The following MARCHF3 variants were observed in gnomAD, a reference collection of about 807,000 sequenced individuals.
MARCHF3 encodes the protein membrane associated ring-CH-type finger 3.
A neutral mutation model predicts 24.2 loss-of-function variants in MARCHF3; 13 were observed. The observed-to-expected ratio is 0.54, with a 90% CI of 0.35 to 0.85. MARCHF3 has a LOEUF of 0.85. Among genes scored for constraint, MARCHF3 ranks in the 40% least tolerant of loss-of-function variants. The pLI is 0.01. For synonymous variants in MARCHF3, 144 were observed against 137.3 expected (o/e 1.05, Z -0.34); for missense variants, 276 against 325.0 (o/e 0.85, Z 1.16).
chr5:126,911,048 T>C (rs1369293663), intron 3 of MARCHF3, among the ~76,000 whole-genome samples: 2 of 152,166 alleles, frequency 1.3e-5, no homozygotes, highest in Non-Finnish European at 2.9e-5. Flanking sequence ...CCCAGGCTTA[T>C]TAGGACGAGG....
intron 1 of MARCHF3, among the ~76,000 whole-genome samples, chr5:127,019,440 G>A (rs574426733): frequency 6.6e-6 from 1 of 152,312 alleles, no homozygotes; most frequent in Admixed American, 6.5e-5. Context: ...TCCTTTGTTA[G>A]TGACACTGAC....
At chr5:126,907,717 T>C (rs2126787332) in intron 3 of MARCHF3, among the ~76,000 whole-genome samples, 1 of 147,098 alleles carries the variant, frequency 6.8e-6, no homozygotes, top group Admixed American at 6.8e-5. Flanking sequence ...TGTGTGTCTC[T>C]GCACGTGAGA....
chr5:126,898,953 A>AG (rs1754016239), intron 3 of MARCHF3: 1 of 984,012 alleles, frequency 1.0e-6, no homozygotes, highest in African/African-American at 1.8e-5. Context: ...TAAGAATTAA[A>AG]CTTTTTTTTT....
At chr5:127,015,373 A>T (rs952878296) in intron 1 of MARCHF3, among the ~76,000 whole-genome samples, 1 of 152,186 alleles carries the variant, frequency 6.6e-6, no homozygotes, top group Non-Finnish European at 1.5e-5. Context: ...GAAGATGAGC[A>T]GGGAGGAGGG....
chr5:126,987,317 C>T (rs967537061), intron 1 of MARCHF3, among the ~76,000 whole-genome samples: 3 of 152,124 alleles, frequency 2.0e-5, no homozygotes, highest in South Asian at 2.1e-4. Flanking sequence ...ACATTTGATA[C>T]GAGGGTAAAT....
chr5:126,946,761 GGT>G (rs58269583), intron 1 of MARCHF3, among the ~76,000 whole-genome samples: 5,116 of 135,930 alleles, frequency 0.038, 115 homozygotes, highest in Non-Finnish European at 0.051. Context: ...TGTAAGTAGG[GGT>G]GTGTGTGTGT....
At position 126,939,999 on chromosome 5, in the gene MARCHF3, C is replaced by A. The variant is rs531482662; in HGVS notation, c.-56-21772G>T. ...ACACTAGCCAGCACTTCAGCACTGC[C>A]CTTAGGGTCTAAACAGTGAGATCAC... On this transcript the variant is annotated intron_variant, in intron 1 of 4. Coordinates refer to ENST00000308660, the MANE Select transcript of MARCHF3 (RefSeq NM_178450.5). Among the ~76,000 whole-genome samples the A allele has an allele frequency of 4.5e-4, 69 of 152,186 alleles. 1 individual carries two copies. The South Asian group carries it at 0.011, about 25-fold the overall frequency.
At chr5:127,015,622 A>G (rs1044881457) in intron 1 of MARCHF3, among the ~76,000 whole-genome samples, 1 of 152,230 alleles carries the variant, frequency 6.6e-6, no homozygotes, top group Non-Finnish European at 1.5e-5. Flanking sequence ...AACCCCTTCC[A>G]AACTAAAATC....
At chr5:126,908,818 G>T (rs1314795626) in intron 3 of MARCHF3, among the ~76,000 whole-genome samples, 1 of 152,066 alleles carries the variant, frequency 6.6e-6, no homozygotes, top group Non-Finnish European at 1.5e-5. Flanking sequence ...TCTTCTCTCA[G>T]CTCCTCAAAG....
chr5:126,903,295 G>A (rs1033521375), intron 3 of MARCHF3, among the ~76,000 whole-genome samples: 7 of 149,106 alleles, frequency 4.7e-5, no homozygotes, highest in Non-Finnish European at 7.4e-5. Context: ...TGGGGAAATA[G>A]AGAGAGCATG....
chr5:126,889,985 A>G (rs1753628865), intron 3 of MARCHF3, among the ~76,000 whole-genome samples: 1 of 152,084 alleles, frequency 6.6e-6, no homozygotes, highest in African/African-American at 2.4e-5. Context: ...TCACATCTAG[A>G]TTAGTAGCAT....
rs1197360917 is a variant in MARCHF3 at position 126,956,674 on chromosome 5, A to G, written c.-56-38447T>C. Among the ~76,000 whole-genome samples, 7 of 141,474 alleles carry G rather than the reference A, an allele frequency of 4.9e-5. No individual in the cohort carries two copies. The East Asian group carries it at 1.4e-3, about 28-fold the overall frequency. The allele number at this position is 141,474 out of a possible 152,430, so 92.8% of individuals were successfully genotyped here. Reference sequence around the variant, plus strand: ...AAAAAAAAAAAAAAAAAAAAAAACCAAAAAAACAACAACAAAAACAAAAAA... The same window carrying G: ...AAAAAAAAAAAAAAAAAAAAAAACCGAAAAAACAACAACAAAAACAAAAAA... On this transcript the variant is annotated intron_variant, in intron 1 of 4. Transcript: ENST00000308660.
At chr5:126,994,849 C>A (rs996990228) in intron 1 of MARCHF3, among the ~76,000 whole-genome samples, 1 of 152,368 alleles carries the variant, frequency 6.6e-6, no homozygotes, top group Non-Finnish European at 1.5e-5. Flanking sequence ...AACAGTGCAG[C>A]CTTCAGCCGG....
intron 3 of MARCHF3, among the ~76,000 whole-genome samples, chr5:126,881,465 C>T (rs1295126142): frequency 6.6e-6 from 1 of 152,126 alleles, no homozygotes; most frequent in Non-Finnish European, 1.5e-5. Context: ...AATATTAATA[C>T]AAGCAAAGTT....
chr5:126,984,187 T>C (rs563475833), intron 1 of MARCHF3, among the ~76,000 whole-genome samples: 65 of 152,042 alleles, frequency 4.3e-4, no homozygotes, highest in Non-Finnish European at 7.9e-4. Flanking sequence ...TGCCATCCTT[T>C]AAGAGGACAG....
At chr5:126,926,553 A>G (rs959874430) in intron 1 of MARCHF3, among the ~76,000 whole-genome samples, 5 of 152,200 alleles carry the variant, frequency 3.3e-5, no homozygotes, top group African/African-American at 1.2e-4. Flanking sequence ...AACGTCCTCA[A>G]AACACCAATT....
chr5:126,926,745 A>T (rs982030557), intron 1 of MARCHF3, among the ~76,000 whole-genome samples: 1 of 151,526 alleles, frequency 6.6e-6, no homozygotes, highest in Non-Finnish European at 1.5e-5. Flanking sequence ...TCAACAGGAG[A>T]GTTACTTGAC....
At chr5:126,885,966 T>G (rs1341728118) in intron 3 of MARCHF3, among the ~76,000 whole-genome samples, 1 of 151,500 alleles carries the variant, frequency 6.6e-6, no homozygotes, top group Non-Finnish European at 1.5e-5. Flanking sequence ...AGATCCCTTG[T>G]GCTGTTTTAG....
At chr5:126,948,541 T>C (rs1331328270) in intron 1 of MARCHF3, among the ~76,000 whole-genome samples, 1 of 152,156 alleles carries the variant, frequency 6.6e-6, no homozygotes, top group African/African-American at 2.4e-5. Context: ...AATAAAAGAA[T>C]GAACGGGAGA....
Sources: allele counts gnomAD v4.1 joint callset (sites outside exome capture counted in the v4.1 genomes callset), GRCh38; gene constraint gnomAD v4.1.1; transcripts MANE v1.5; gene names NCBI Gene and HGNC (gene_info 2026-07-23, HGNC 2026-07-21).